Variants in COL4A5 observed in about 807,000 individuals in gnomAD.
The protein encoded by COL4A5 is collagen alpha-5(IV) chain.
Under a neutral mutation model 130.2 loss-of-function variants are expected in COL4A5, and 26 were observed. That is an observed-to-expected ratio of 0.20 (90% CI 0.15 to 0.28). COL4A5 has a LOEUF of 0.28. Ranked by LOEUF, COL4A5 falls within the 10% of genes least tolerant of loss-of-function variation. The pLI is 1.00. For synonymous variants in COL4A5, 496 were observed against 439.6 expected, an observed-to-expected ratio of 1.13 and a Z score of -1.60; for missense variants, 1,131 against 1,344.3, an observed-to-expected ratio of 0.84 and a Z score of 2.48.
At chrX:108,674,580 ATACTGAT>A (rs1484154829) in intron 42 of COL4A5, 158 bp from the exon 43 acceptor site, 13 of 515,393 alleles carry the variant, frequency 2.5e-5, no homozygotes, top group Non-Finnish European at 4.1e-5. Flanking sequence ...TTCTGTTTGC[ATACTGAT>A]TATGCTGTAA....
chrX:108,684,750 T>G (rs913562659), intron 47 of COL4A5, among the ~76,000 whole-genome samples: 4 of 112,193 alleles, frequency 3.6e-5, no homozygotes, highest in Non-Finnish European at 5.6e-5. Flanking sequence ...CTAACTAATT[T>G]CATGAGGTCA....
At chrX:108,673,734 A>T (rs980126563) in intron 42 of COL4A5, among the ~76,000 whole-genome samples, 16 of 106,966 alleles carry the variant, frequency 1.5e-4, no homozygotes, top group Non-Finnish European at 2.5e-4. Flanking sequence ...TATAATAATA[A>T]TATAATAATA....
chrX:108,504,751 A>C (rs2065109597), intron 1 of COL4A5, among the ~76,000 whole-genome samples: 1 of 112,099 alleles, frequency 8.9e-6, no homozygotes, highest in Non-Finnish European at 1.9e-5. Context: ...ACATGTTGGC[A>C]TGGATGTAGT....
chrX:108,565,189 G>C (rs745841005), intron 4 of COL4A5, among the ~76,000 whole-genome samples: 14 of 111,323 alleles, frequency 1.3e-4, no homozygotes, highest in Admixed American at 1.1e-3. Flanking sequence ...AACTCCAAGA[G>C]TGCTTGGGAA....
At chrX:108,661,708 G>A (rs1191038219) in intron 37 of COL4A5, among the ~76,000 whole-genome samples, 1 of 110,769 alleles carries the variant, frequency 9.0e-6, no homozygotes, top group Non-Finnish European at 1.9e-5. Context: ...TAAATTTCTT[G>A]AAGAATGCTG....
intron 37 of COL4A5, among the ~76,000 whole-genome samples, chrX:108,656,689 T>G (rs1253235303): frequency 8.9e-6 from 1 of 111,788 alleles, no homozygotes; most frequent in Admixed American, 9.5e-5. Context: ...CGGTCTTAAT[T>G]TTATCTGTTT....
At chrX:108,540,897 A>C (rs2147661359) in intron 2 of COL4A5, among the ~76,000 whole-genome samples, 1 of 112,510 alleles carries the variant, frequency 8.9e-6, no homozygotes, top group South Asian at 3.7e-4. Context: ...ATAGTAAATT[A>C]TAGCCTAAAG....
At chrX:108,594,812 A>T (rs1047614674) in intron 21 of COL4A5, among the ~76,000 whole-genome samples, 1 of 109,793 alleles carries the variant, frequency 9.1e-6, no homozygotes, top group Non-Finnish European at 1.9e-5. Flanking sequence ...ATGTAGTTCT[A>T]TTTTTTCCTA....
intron 21 of COL4A5, 54 bp downstream of exon 21, chrX:108,591,698 C>A: frequency 1.0e-6 from 1 of 973,880 alleles, no homozygotes; most frequent in Non-Finnish European, 1.5e-6. Flanking sequence ...TTCAAATCAT[C>A]AGCAAAATCC....
At chrX:108,496,916 T>G (rs186799120) in intron 1 of COL4A5, among the ~76,000 whole-genome samples, 120 of 111,857 alleles carry the variant, frequency 1.1e-3, no homozygotes, top group African/African-American at 3.4e-3. Context: ...AATGTATAAA[T>G]CAATGTTTAT....
At chrX:108,607,171 A>G (rs967560465) in intron 29 of COL4A5, among the ~76,000 whole-genome samples, 2 of 110,148 alleles carry the variant, frequency 1.8e-5, no homozygotes, top group Admixed American at 9.6e-5. Flanking sequence ...ATTCAAGACC[A>G]TCCTGGCCAA....
chrX:108,634,567 G>T lies in COL4A5; in HGVS notation c.3246+8218G>T, dbSNP rs765589561. ...TTCTGTGCCAAGGCATAGAAAAGAT[G>T]TGTGCTCTGTATTGTAAGTTATACG... On this transcript the variant is annotated intron_variant, in intron 36 of 52. Transcript: ENST00000328300. Among the ~76,000 whole-genome samples, 3 of 111,831 alleles carry T rather than the reference G, an allele frequency of 2.7e-5. No individual in the cohort carries two copies. The East Asian group carries it at 8.5e-4, about 32-fold the overall frequency.
At chrX:108,639,290 C>G (rs1214941736) in intron 36 of COL4A5, among the ~76,000 whole-genome samples, 1 of 110,770 alleles carries the variant, frequency 9.0e-6, no homozygotes, top group East Asian at 2.8e-4. Flanking sequence ...TGGGGAAAGG[C>G]GTTCAACAAA....
At chrX:108,587,525 G>A (rs2066356752) in intron 19 of COL4A5, among the ~76,000 whole-genome samples, 1 of 111,744 alleles carries the variant, frequency 8.9e-6, no homozygotes, top group African/African-American at 3.2e-5. Context: ...ATCCACTGAT[G>A]AACATTCAGG....
intron 36 of COL4A5, among the ~76,000 whole-genome samples, chrX:108,644,659 A>G (rs1603303984): frequency 9.0e-6 from 1 of 111,562 alleles, no homozygotes; most frequent in East Asian, 2.8e-4. Context: ...CAGCACTTTG[A>G]GAGGCCAGTT....
intron 1 of COL4A5, among the ~76,000 whole-genome samples, chrX:108,500,325 A>T (rs1461093007): frequency 8.9e-6 from 1 of 111,961 alleles, no homozygotes; most frequent in Non-Finnish European, 1.9e-5. Flanking sequence ...CAAATGGGGC[A>T]CTTATGCTTT....
chrX:108,596,433 A>G (rs143588645), intron 22 of COL4A5, among the ~76,000 whole-genome samples: 1,456 of 112,150 alleles, frequency 0.013, 3 homozygotes, highest in Non-Finnish European at 0.019. Flanking sequence ...AGGCTCAAGA[A>G]TTAGCATTTC....
At chrX:108,611,866 A>AAT (rs1439915166) in intron 29 of COL4A5, among the ~76,000 whole-genome samples, 2 of 111,356 alleles carry the variant, frequency 1.8e-5, no homozygotes, top group Non-Finnish European at 3.8e-5. Context: ...GCTGTAGACC[A>AAT]ATATCTCTCA....
chrX:108,547,430 G>A (rs1157624577), intron 2 of COL4A5, among the ~76,000 whole-genome samples: 1 of 111,578 alleles, frequency 9.0e-6, no homozygotes, highest in Non-Finnish European at 1.9e-5. Context: ...AGTGAATATT[G>A]GTGAACAGCA....
Sources: gnomAD v4.1 joint callset for allele counts (sites outside exome capture counted in the v4.1 genomes callset) on GRCh38, gnomAD v4.1.1 for gene constraint, MANE v1.5 for transcripts, NCBI Gene and HGNC (gene_info 2026-07-23, HGNC 2026-07-21) for gene names.